UBR2: variants seen among roughly 807,000 people sequenced by gnomAD.
UBR2 encodes the protein E3 ubiquitin-protein ligase UBR2.
UBR2 carries 92 observed loss-of-function variants against 247.9 expected under a neutral mutation model. The observed-to-expected ratio is 0.37, with a 90% CI of 0.31 to 0.44. The LOEUF (loss-of-function observed/expected upper bound fraction) is 0.44, where lower values mean the gene tolerates loss of function less well. Among genes scored for constraint, UBR2 ranks in the 20% least tolerant of loss-of-function variants. The pLI, the probability that UBR2 is intolerant of heterozygous loss-of-function variation, is 1.00. For synonymous variants in UBR2, 672 were observed against 693.5 expected (o/e 0.97, Z 0.49); for missense variants, 1,613 against 2,112.6 (o/e 0.76, Z 4.64).
At chr6:42,647,339 T>C (rs1252376792) in intron 21 of UBR2, among the ~76,000 whole-genome samples, 2 of 149,218 alleles carry the variant, frequency 1.3e-5, no homozygotes, top group East Asian at 2.0e-4. Context: ...CCCAACACTT[T>C]GGGAGACCAA....
At chr6:42,640,421 TGTGTGTGTGTGTGTATAG>T in intron 16 of UBR2, 151 bp downstream of exon 16, 1 of 510,722 alleles carries the variant, frequency 2.0e-6, no homozygotes, top group African/African-American at 2.0e-5. Flanking sequence ...TGTGTGTGTG[TGTGTGTGTGTGTGTATAG>T]ATACATATAT....
intron 11 of UBR2, among the ~76,000 whole-genome samples, chr6:42,628,485 G>T (rs1795489758): frequency 6.6e-6 from 1 of 152,142 alleles, no homozygotes; most frequent in South Asian, 2.1e-4. Context: ...ACTTTGGGAG[G>T]CAAAGGTGGG....
Position 42,676,769 on chromosome 6 carries a change from T to A in UBR2, c.4388-14T>A, listed in dbSNP as rs375470358. 22 of 1,605,376 alleles carry A rather than the reference T, an allele frequency of 1.4e-5. No homozygotes were observed. In the African/African-American group the frequency reaches 2.8e-4, roughly 21 times the overall value. On this transcript the variant is annotated splice_polypyrimidine_tract_variant and intron_variant, in intron 39 of 46. Coordinates refer to ENST00000372901, the MANE Select transcript of UBR2 (RefSeq NM_001363705.2). ...TTGGAAAATACAGAGTACTAGTATT[T>A]CCTTATCTTTCAGAAGAGAATGGCA...
chr6:42,567,896 A>C (rs1182879752), intron 1 of UBR2, among the ~76,000 whole-genome samples: 8 of 151,990 alleles, frequency 5.3e-5, no homozygotes, highest in African/African-American at 1.7e-4. Flanking sequence ...AAATAAAATA[A>C]ATAAGCTGGG....
At chr6:42,657,705 T>C (rs1360114833) in intron 26 of UBR2, among the ~76,000 whole-genome samples, 2 of 152,260 alleles carry the variant, frequency 1.3e-5, no homozygotes, top group African/African-American at 4.8e-5. Flanking sequence ...GCTAATTTAT[T>C]TTTAGACCTG....
rs373288233 is a variant in UBR2 at position 42,564,406 on chromosome 6, C to G, written c.78+9C>G. 1.9e-6 allele frequency: 3 copies of G among 1,606,748 alleles called. No individual in the cohort carries two copies. The highest frequency in any genetic ancestry group is 1.1e-5 in the South Asian group (1 of 89,726). Reference sequence around the variant, plus strand: ...CCGAGGAGATTGCGGGGGTGAGTGCCGGAACCCGGGCGGGTGCGTCTGCCC... The same window carrying G: ...CCGAGGAGATTGCGGGGGTGAGTGCGGGAACCCGGGCGGGTGCGTCTGCCC... On this transcript the variant is annotated intron_variant, in intron 1 of 46. Coordinates refer to ENST00000372901, the MANE Select transcript of UBR2 (RefSeq NM_001363705.2).
intron 16 of UBR2, 152 bp downstream of exon 16, chr6:42,640,422 G>GATACA: frequency 2.9e-4 from 92 of 316,926 alleles, no homozygotes; most frequent in South Asian, 6.3e-4. Context: ...GTGTGTGTGT[G>GATACA]TGTGTGTGTG....
In UBR2 at chr6:42,650,385, A is replaced by C; in HGVS notation, c.2564A>C (p.Lys855Thr). 1 of 1,609,552 alleles carries C rather than the reference A, an allele frequency of 6.2e-7. No homozygotes were observed. The highest frequency in any genetic ancestry group is 8.5e-7 in the Non-Finnish European group (1 of 1,177,560). The change falls in exon 23 of 47, where the codon AAG (lysine) becomes ACG (threonine). Residue 855 changes from lysine to threonine, a missense_variant and splice_region_variant. Around this residue, in one of 3 missense-constraint regions of UBR2, gnomAD observed 1,524 missense variants for 1,967.3 expected, o/e 0.77. Transcript: ENST00000372901. ...FYHFSRAEQS[K>T]AEEAQRKLKR... ...CACTTTTCAAGGGCAGAACAGTCCA[A>C]GGTAATTGGGAAAATTAAAAATGTA...
chr6:42,646,099 G>A (rs1796738400), intron 21 of UBR2, among the ~76,000 whole-genome samples: 1 of 152,136 alleles, frequency 6.6e-6, no homozygotes, highest in African/African-American at 2.4e-5. Flanking sequence ...GACATTCATA[G>A]GTTAAATTGC....
Position 42,612,162 on chromosome 6 carries a change from CTTT to C in UBR2, c.865-6_865-4del. On this transcript the variant is annotated splice_region_variant and splice_polypyrimidine_tract_variant and intron_variant, in intron 7 of 46. Coordinates refer to ENST00000372901, the MANE Select transcript of UBR2 (RefSeq NM_001363705.2). ...AGTTAATTTTTAAATCTTGCCATTT[CTTT>C]TTAAGAGAAATACCAGTAGACAGAC... 2 of 1,494,220 alleles carry C rather than the reference CTTT, an allele frequency of 1.3e-6. No individual in the cohort carries two copies. Among genetic ancestry groups the C allele is most frequent in the Non-Finnish European group, 1.8e-6 (2 of 1,102,806 alleles). The allele number at this position is 1,494,220 out of a possible 1,614,324, so 92.6% of individuals were successfully genotyped here. A position where few individuals can be genotyped will look rare whatever the true frequency, so the allele number is the denominator to read the frequency against.
intron 34 of UBR2, 27 bp downstream of exon 34, chr6:42,666,272 T>C: frequency 1.9e-6 from 3 of 1,563,646 alleles, no homozygotes; most frequent in East Asian, 2.3e-5. Context: ...ACTCCTTTAA[T>C]ATTTGACCCA....
chr6:42,659,254 G>A lies in UBR2; in HGVS notation c.3243-402G>A, dbSNP rs532518136. ...CTCACGCCTGTAATCCCAGCACTTCGGGAGGCCAAGGCGGGCGGATCACAA... is the reference window on the plus strand; with the variant it reads ...CTCACGCCTGTAATCCCAGCACTTCAGGAGGCCAAGGCGGGCGGATCACAA... On this transcript the variant is annotated intron_variant, in intron 29 of 46. Transcript: ENST00000372901. This position sits in a 1 kb window ranked among gnomAD's most constrained non-coding sequence, Gnocchi z 4.3. Among the ~76,000 whole-genome samples the A allele has an allele frequency of 1.3e-4, 20 of 152,200 alleles. No homozygotes were observed. Among genetic ancestry groups the A allele is most frequent in the East Asian group, 1.2e-3 (6 of 5,182 alleles).
chr6:42,644,809 G>A (rs1037075951), intron 20 of UBR2, among the ~76,000 whole-genome samples: 1 of 152,060 alleles, frequency 6.6e-6, no homozygotes, highest in East Asian at 1.9e-4. Context: ...GGGAGCGGGG[G>A]ACAGGAGAAT....
At chr6:42,605,067 G>T (rs73440631) in intron 5 of UBR2, among the ~76,000 whole-genome samples, 3,549 of 151,806 alleles carry the variant, frequency 0.023, 124 homozygotes, top group African/African-American at 0.08. Flanking sequence ...TATAAACTGT[G>T]CAAGATTTCT....
intron 2 of UBR2, 126 bp downstream of exon 2, chr6:42,574,119 A>G: frequency 6.6e-6 from 6 of 912,452 alleles, no homozygotes; most frequent in Middle Eastern, 3.3e-4. Context: ...CTGTATTACA[A>G]ATACATGCTA....
intron 18 of UBR2, among the ~76,000 whole-genome samples, chr6:42,643,473 G>T (rs1796563301): frequency 6.6e-6 from 1 of 152,080 alleles, no homozygotes; most frequent in Non-Finnish European, 1.5e-5. Flanking sequence ...TCATGCGCCT[G>T]TAGTCCCAGC....
intron 4 of UBR2, among the ~76,000 whole-genome samples, chr6:42,597,963 G>A (rs570168519): frequency 6.6e-6 from 1 of 152,040 alleles, no homozygotes; most frequent in African/African-American, 2.4e-5. Context: ...TATTAAGATA[G>A]CATTTTGTTT....
At position 42,689,464 on chromosome 6, in the gene UBR2, A is replaced by G. The variant is rs1031376772; in HGVS notation, c.5025-105A>G. On this transcript the variant is annotated intron_variant, in intron 45 of 46. Transcript: ENST00000372901. The surrounding 1 kb of genome is among the most constrained non-coding windows in gnomAD (Gnocchi z 4.0). Reference sequence around the variant, plus strand: ...TTTTAATGGATAACTTCCTCCTAATAGTGGTTTAAATATCAGTACTATAAG... The same window carrying G: ...TTTTAATGGATAACTTCCTCCTAATGGTGGTTTAAATATCAGTACTATAAG... 16 of 1,081,482 alleles carry G rather than the reference A, an allele frequency of 1.5e-5. No homozygotes were observed. The highest frequency in any genetic ancestry group is 2.1e-5 in the Non-Finnish European group (15 of 713,910). 67.0% of individuals were successfully genotyped at this position (1,081,482 alleles called of 1,614,324 possible). A position where few individuals can be genotyped will look rare whatever the true frequency, so the allele number is the denominator to read the frequency against.
chr6:42,615,659 G>A (rs1263135118), intron 9 of UBR2, among the ~76,000 whole-genome samples: 3 of 151,966 alleles, frequency 2.0e-5, no homozygotes, highest in East Asian at 1.9e-4. Flanking sequence ...TCTCAGTGGT[G>A]TGTGCCTGTA....
Sources: gnomAD v4.1 joint callset for allele counts (sites outside exome capture counted in the v4.1 genomes callset) on GRCh38, gnomAD v4.1.1 for gene constraint, gnomAD v4.1.1 regional missense constraint, Gnocchi (gnomAD v3.1) non-coding constraint, MANE v1.5 for transcripts, NCBI Gene and HGNC (gene_info 2026-07-23, HGNC 2026-07-21) for gene names.